GPX8: variants seen among roughly 807,000 people sequenced by gnomAD.
The protein encoded by GPX8 is glutathione peroxidase 8 (putative), also known as protein peroxidase GPX8.
GPX8 carries 12 observed loss-of-function variants against 17.8 expected under a neutral mutation model. The ratio of observed to expected loss-of-function variants is 0.67; its 90% confidence interval spans 0.43 to 1.09. The LOEUF is 1.09. Ranked by LOEUF, GPX8 falls within the 50% of genes least tolerant of loss-of-function variation. GPX8 has a pLI of 0.00. For synonymous variants in GPX8, 86 were observed against 88.1 expected, an observed-to-expected ratio of 0.98 and a Z score of 0.14; for missense variants, 209 against 235.6, an observed-to-expected ratio of 0.89 and a Z score of 0.74.
rs888372176 is a variant in GPX8 at position 55,166,188 on chromosome 5, C to A, written c.*1970C>A. 1 of 152,340 alleles carries A rather than the reference C, an allele frequency of 6.6e-6. No homozygotes were observed. Among genetic ancestry groups the A allele is most frequent in the Non-Finnish European group, 1.5e-5 (1 of 68,162 alleles). 9.4% of individuals were successfully genotyped at this position (152,340 alleles called of 1,614,324 possible). ...GCATGAGCAGAACTGCATATGCCAG[C>A]ACCACATGGGCAGCAGAGACTCCCC... On this transcript the variant is annotated 3_prime_UTR_variant, in exon 3 of 3. Coordinates refer to ENST00000503787, the MANE Select transcript of GPX8 (RefSeq NM_001008397.4).
intron 2 of GPX8, 30 bp from the exon 3 acceptor site, chr5:55,164,025 G>C: frequency 1.4e-6 from 2 of 1,470,844 alleles, no homozygotes; most frequent in African/African-American, 1.4e-5. Context: ...ATAAAATTAT[G>C]CTCATGAAAA....
intron 2 of GPX8, 72 bp from the exon 3 acceptor site, chr5:55,163,983 G>T: frequency 8.8e-7 from 1 of 1,133,482 alleles, no homozygotes. Context: ...CATTTATGCA[G>T]ATACTAATAG....
At chr5:55,161,510 TTTAC>T (rs1339618864) in intron 2 of GPX8, among the ~76,000 whole-genome samples, 2 of 152,184 alleles carry the variant, frequency 1.3e-5, no homozygotes, top group African/African-American at 4.8e-5. Flanking sequence ...TCCTGAAGAA[TTTAC>T]TTAAAGTGTG....
In GPX8 at chr5:55,166,278, A is replaced by G. The variant is rs1351183823; in HGVS notation, c.*2060A>G. On this transcript the variant is annotated 3_prime_UTR_variant, in exon 3 of 3. Transcript: ENST00000503787. Reference sequence around the variant, plus strand: ...CCAGGACTGTCCCAGTCAACATGATACAGATGAACATCCTGCCTTAAGTCA... The same window carrying G: ...CCAGGACTGTCCCAGTCAACATGATGCAGATGAACATCCTGCCTTAAGTCA... 6.6e-6 allele frequency: 1 copy of G among 152,250 alleles called. No individual in the cohort carries two copies. Among genetic ancestry groups the G allele is most frequent in the East Asian group, 1.9e-4 (1 of 5,188 alleles). The allele number at this position is 152,250 out of a possible 1,614,324, so 9.4% of individuals were successfully genotyped here.
chr5:55,166,358 C>T lies in GPX8; in HGVS notation c.*2140C>T, dbSNP rs977098141. 1.1e-4 allele frequency: 17 copies of T among 152,268 alleles called. No individual in the cohort carries two copies. The highest frequency in any genetic ancestry group is 4.1e-4 in the African/African-American group (17 of 41,450). The allele number at this position is 152,268 out of a possible 1,614,324, so 9.4% of individuals were successfully genotyped here. ...GTTTCTTCACTTACATCTCTCTAAT[C>T]TTGGCTGCCTTATTCAACCTACAGA... is the stretch of plus-strand genomic sequence containing the variant. On this transcript the variant is annotated 3_prime_UTR_variant, in exon 3 of 3. Transcript: ENST00000503787.
At chr5:55,160,429 A>G in intron 1 of GPX8, 33 bp downstream of exon 1, 1 of 1,548,558 alleles carries the variant, frequency 6.5e-7, no homozygotes, top group Non-Finnish European at 8.9e-7. Context: ...TATTGTTATC[A>G]TTTTTCCTTG....
Position 55,164,089 on chromosome 5 carries a change from G to C in GPX8, c.501G>C (p.Trp167Cys). ...SSKKEPRWNF[W>C]KYLVNPEGQV... ...AGAAGGAACCAAGGTGGAATTTTTGGAAGTATCTTGTCAACCCTGAGGGTC... is the reference window on the plus strand; with the variant it reads ...AGAAGGAACCAAGGTGGAATTTTTGCAAGTATCTTGTCAACCCTGAGGGTC... The change falls in exon 3 of 3, where the codon TGG becomes TGC. Residue 167 changes from tryptophan to cysteine, a missense_variant. Coordinates refer to ENST00000503787, the MANE Select transcript of GPX8 (RefSeq NM_001008397.4). 1 of 1,596,890 alleles carries C rather than the reference G, an allele frequency of 6.3e-7. No homozygotes were observed.
intron 2 of GPX8, among the ~76,000 whole-genome samples, chr5:55,162,444 C>G (rs1256819583): frequency 1.3e-5 from 2 of 152,194 alleles, no homozygotes; most frequent in African/African-American, 4.8e-5. Context: ...CTAACTTATT[C>G]TGATGACATC....
At chr5:55,162,300 G>A (rs1376881866) in intron 2 of GPX8, among the ~76,000 whole-genome samples, 1 of 152,154 alleles carries the variant, frequency 6.6e-6, no homozygotes, top group Non-Finnish European at 1.5e-5. Flanking sequence ...GGAGGCTGAG[G>A]CAGGAGAATC....
In GPX8 at chr5:55,161,157, A is replaced by C. The variant is rs754724476; in HGVS notation, c.368A>C (p.Glu123Ala). The C allele has an allele frequency of 6.8e-6, 11 of 1,614,100 alleles. No individual in the cohort carries two copies. The highest frequency in any genetic ancestry group is 1.6e-4 in the Middle Eastern group (1 of 6,084). ...GAGCCCCGCCCAAGCAAGGAAGTAG[A>C]ATCTTTTGCAAGAAAAAACTACGGA... is the stretch of plus-strand genomic sequence containing the variant. ...ESEPRPSKEV[E>A]SFARKNYGVT... The change falls in exon 2 of 3, where the codon GAA becomes GCA. Residue 123 changes from glutamate (E) to alanine (A), a missense_variant. By Grantham distance (107) the Glu-to-Ala change is moderately radical. Transcript: ENST00000503787.
At chr5:55,164,009 C>A in intron 2 of GPX8, 46 bp from the exon 3 acceptor site, 1 of 1,381,836 alleles carries the variant, frequency 7.2e-7, no homozygotes, top group Non-Finnish European at 9.8e-7. Flanking sequence ...AAAATCTTGA[C>A]AAAGAATAAA....
At chr5:55,162,220 A>G (rs528853721) in intron 2 of GPX8, among the ~76,000 whole-genome samples, 1 of 152,028 alleles carries the variant, frequency 6.6e-6, no homozygotes, top group African/African-American at 2.4e-5. Flanking sequence ...ATATGGTGAA[A>G]CCCCATCTCT....
chr5:55,166,646 A>G lies in GPX8; in HGVS notation c.*2428A>G, dbSNP rs906471504. On this transcript the variant is annotated 3_prime_UTR_variant, in exon 3 of 3. Coordinates refer to ENST00000503787, the MANE Select transcript of GPX8 (RefSeq NM_001008397.4). ...AAAAGTTGAATCTTTCCTATATTGG[A>G]CAATCTTCCTTCAGTCTTGTTTCTG... The G allele has an allele frequency of 1.3e-5, 2 of 152,236 alleles. No individual in the cohort carries two copies. Among genetic ancestry groups the G allele is most frequent in the African/African-American group, 4.8e-5 (2 of 41,466 alleles). The allele number at this position is 152,236 out of a possible 1,614,324, so 9.4% of individuals were successfully genotyped here. A position where few individuals can be genotyped will look rare whatever the true frequency, so the allele number is the denominator to read the frequency against.
chr5:55,160,364 A>T lies in GPX8; in HGVS notation c.172A>T (p.Arg58Ter). ...CTTTGAAGTGAAGGATGCAAAAGGA[A>T]GAACTGTTTCTCTGGAAAAGTATAA... The part of the protein sequence containing the change: ...YAFEVKDAKG[R>*]TVSLEKYKGK... Residue 58 changes from arginine (R) to a stop codon, truncating the protein, a stop_gained, in exon 1 of 3, where the codon AGA (arginine) becomes TGA (stop). Transcript: ENST00000503787. LOFTEE classifies it high-confidence loss of function. 1.2e-6 allele frequency: 2 copies of T among 1,613,148 alleles called. No individual in the cohort carries two copies. Among genetic ancestry groups the T allele is most frequent in the Non-Finnish European group, 1.7e-6 (2 of 1,179,946 alleles).
rs770483355 is a variant in GPX8 at position 55,160,267 on chromosome 5, A to G, written c.75A>G (p.Ile25Met). The G allele has an allele frequency of 2.8e-5, 45 of 1,613,874 alleles. No homozygotes were observed. The Admixed American group carries it at 7.3e-4, about 26-fold the overall frequency. The change falls in exon 1 of 3, where the codon ATA (isoleucine) becomes ATG (methionine). Residue 25 changes from isoleucine (I) to methionine (M), a missense_variant. Physicochemically the swap from Ile to Met is conservative, Grantham distance 10. Coordinates refer to ENST00000503787, the MANE Select transcript of GPX8 (RefSeq NM_001008397.4). ...AGGTATTTGCAGTTTTGCTGTCTAT[A>G]GTTCTATGCACAGTAACGCTATTTC... ...RAKVFAVLLS[I>M]VLCTVTLFLL...
Position 55,161,156 on chromosome 5 carries a change from G to C in GPX8, c.367G>C (p.Glu123Gln). ...ESEPRPSKEV[E>Q]SFARKNYGVT... ...GGAGCCCCGCCCAAGCAAGGAAGTA[G>C]AATCTTTTGCAAGAAAAAACTACGG... Residue 123 changes from glutamate (E) to glutamine (Q), a missense_variant, in exon 2 of 3, where the codon GAA becomes CAA. Transcript: ENST00000503787. The C allele has an allele frequency of 6.2e-7, 1 of 1,614,194 alleles. No individual in the cohort carries two copies. Among genetic ancestry groups the C allele is most frequent in the Non-Finnish European group, 8.5e-7 (1 of 1,180,036 alleles).
Position 55,161,012 on chromosome 5 carries a change from G to A in GPX8, c.223G>A (p.Val75Met). 6.2e-7 allele frequency: 1 copy of A among 1,612,848 alleles called. No individual in the cohort carries two copies. Among genetic ancestry groups the A allele is most frequent in the East Asian group, 2.2e-5 (1 of 44,812 alleles). ...YKGKVSLVVN[V>M]ASDCQLTDRN... ...CCGGGAGGTTTCACTAGTTGTAAAC[G>A]TGGCCAGTGACTGCCAACTCACAGA... Residue 75 changes from valine (V) to methionine (M), a missense_variant, in exon 2 of 3, where the codon GTG (valine) becomes ATG (methionine). Val to Met is a conservative substitution (Grantham distance 21, BLOSUM62 1). Coordinates refer to ENST00000503787, the MANE Select transcript of GPX8 (RefSeq NM_001008397.4).
rs1561094616 is a variant in GPX8 at position 55,165,273 on chromosome 5, G to A, written c.*1055G>A. 1 of 152,156 alleles carries A rather than the reference G, an allele frequency of 6.6e-6. No homozygotes were observed. The highest frequency in any genetic ancestry group is 1.5e-5 in the Non-Finnish European group (1 of 68,024). 9.4% of individuals were successfully genotyped at this position (152,156 alleles called of 1,614,324 possible). A position where few individuals can be genotyped will look rare whatever the true frequency, so the allele number is the denominator to read the frequency against. ...GTCACAAGGCATTTCTTCTCCCAAA[G>A]TCATGACCTTTATATTTTGTTAGCC... On this transcript the variant is annotated 3_prime_UTR_variant, in exon 3 of 3. Transcript: ENST00000503787.
intron 2 of GPX8, among the ~76,000 whole-genome samples, chr5:55,162,913 G>C (rs1487167848): frequency 6.6e-6 from 1 of 152,194 alleles, no homozygotes; most frequent in Non-Finnish European, 1.5e-5. Context: ...ATGAGCTCTG[G>C]AGTAAAAGGC....
Sources: allele counts gnomAD v4.1 joint callset (sites outside exome capture counted in the v4.1 genomes callset), GRCh38; gene constraint gnomAD v4.1.1; transcripts MANE v1.5; gene names NCBI Gene and HGNC (gene_info 2026-07-23, HGNC 2026-07-21).